TANC2: variants seen among roughly 807,000 people sequenced by gnomAD.
TANC2 encodes protein TANC2.
A neutral mutation model predicts 210.5 loss-of-function variants in TANC2; 26 were observed. The observed-to-expected ratio is 0.12, with a 90% CI of 0.09 to 0.17. The LOEUF (loss-of-function observed/expected upper bound fraction) is 0.17, where lower values mean the gene tolerates loss of function less well. TANC2 is among the 10% of genes least tolerant of loss of function. The pLI is 1.00. For synonymous variants in TANC2, 931 were observed against 967.1 expected (o/e 0.96, Z 0.69); for missense variants, 2,129 against 2,608.9 (o/e 0.82, Z 4.01).
At chr17:63,114,877 A>G (rs9902861) in intron 4 of TANC2, among the ~76,000 whole-genome samples, 5,799 of 152,224 alleles carry the variant, frequency 0.038, 386 homozygotes, top group African/African-American at 0.13. Context: ...GTTAAATCCA[A>G]TTTTTCAAGC....
intron 2 of TANC2, among the ~76,000 whole-genome samples, chr17:63,033,467 G>T (rs2034853868): frequency 6.6e-6 from 1 of 152,052 alleles, no homozygotes; most frequent in South Asian, 2.1e-4. Flanking sequence ...TCTATTACTG[G>T]GTGACTGAGA....
chr17:63,350,701 C>CT (rs2046575660), intron 12 of TANC2, among the ~76,000 whole-genome samples: 1 of 152,126 alleles, frequency 6.6e-6, no homozygotes, highest in African/African-American at 2.4e-5. Flanking sequence ...TGGTTCAACT[C>CT]TGTCTAATGC....
chr17:63,129,551 C>G (rs1426227652), intron 4 of TANC2, among the ~76,000 whole-genome samples: 1 of 152,096 alleles, frequency 6.6e-6, no homozygotes, highest in Non-Finnish European at 1.5e-5. Flanking sequence ...AACCCCATCT[C>G]TACTAAAAAT....
intron 2 of TANC2, among the ~76,000 whole-genome samples, chr17:63,026,326 A>G (rs1267622517): frequency 6.6e-6 from 1 of 152,174 alleles, no homozygotes; most frequent in Non-Finnish European, 1.5e-5. Context: ...GCACATAGCA[A>G]GTACTTAGTA....
In TANC2 at chr17:63,193,936, A is replaced by G. The variant is rs2041262030; in HGVS notation, c.434-55A>G. On this transcript the variant is annotated intron_variant, in intron 5 of 27. Coordinates refer to ENST00000689528, the Ensembl canonical transcript of TANC2. ...AAAGTGAATGTACAAATAGTTGCAG[A>G]ACTAGACCATTTTATTTTGAAAGAT... 15 of 1,544,706 alleles carry G rather than the reference A, an allele frequency of 9.7e-6. No homozygotes were observed. The South Asian group carries it at 1.9e-4, about 19-fold the overall frequency.
chr17:63,024,767 G>A (rs902504596), intron 2 of TANC2, among the ~76,000 whole-genome samples: 3 of 152,198 alleles, frequency 2.0e-5, no homozygotes, highest in Non-Finnish European at 2.9e-5. Context: ...TATTGCCCAA[G>A]ATTATACAGC....
At chr17:63,179,475 T>C (rs1320214736) in intron 5 of TANC2, among the ~76,000 whole-genome samples, 2 of 152,208 alleles carry the variant, frequency 1.3e-5, no homozygotes, top group Non-Finnish European at 2.9e-5. Flanking sequence ...TTAATACATA[T>C]AGTGCATTTA....
intron 4 of TANC2, among the ~76,000 whole-genome samples, chr17:63,120,110 A>G (rs921724192): frequency 6.6e-6 from 1 of 151,594 alleles, no homozygotes. Context: ...TGAGGTTAGT[A>G]TTTTTATTAG....
At chr17:63,027,840 A>G (rs765199880) in intron 2 of TANC2, among the ~76,000 whole-genome samples, 11 of 152,108 alleles carry the variant, frequency 7.2e-5, no homozygotes, top group Non-Finnish European at 1.5e-4. Flanking sequence ...TCTTTCTTAC[A>G]TATTTTATTC....
At chr17:63,401,159 A>G (rs1445714853) in intron 19 of TANC2, among the ~76,000 whole-genome samples, 1 of 152,170 alleles carries the variant, frequency 6.6e-6, no homozygotes, top group African/African-American at 2.4e-5. Context: ...ATAATGACCT[A>G]TTGAATTATG....
At chr17:63,178,006 G>A (rs2040648740) in intron 5 of TANC2, among the ~76,000 whole-genome samples, 1 of 152,054 alleles carries the variant, frequency 6.6e-6, no homozygotes. Context: ...TATGCTCAAG[G>A]GCACTAATAA....
intron 3 of TANC2, among the ~76,000 whole-genome samples, chr17:63,082,468 A>G (rs954902513): frequency 6.6e-6 from 1 of 152,338 alleles, no homozygotes; most frequent in East Asian, 1.9e-4. Context: ...GCAGAATAAG[A>G]CAAACCTGAA....
At chr17:62,990,138 A>G (rs759837909) in intron 1 of TANC2, among the ~76,000 whole-genome samples, 3 of 152,172 alleles carry the variant, frequency 2.0e-5, no homozygotes, top group African/African-American at 2.4e-5. Flanking sequence ...TGGTTGAGCA[A>G]CTTAGCGATG....
chr17:63,133,042 C>G (rs144536834), intron 4 of TANC2, among the ~76,000 whole-genome samples: 127 of 152,284 alleles, frequency 8.3e-4, no homozygotes, highest in African/African-American at 2.9e-3. Context: ...GGCGCAATCT[C>G]GGCTCACTGC....
At chr17:63,267,536 G>A (rs2043566177) in intron 8 of TANC2, among the ~76,000 whole-genome samples, 1 of 152,144 alleles carries the variant, frequency 6.6e-6, no homozygotes, top group African/African-American at 2.4e-5. Flanking sequence ...CTGTCTTAAA[G>A]TAGCAAGTGA....
chr17:63,030,610 C>T (rs1482302247), intron 2 of TANC2, among the ~76,000 whole-genome samples: 1 of 151,046 alleles, frequency 6.6e-6, no homozygotes, highest in Non-Finnish European at 1.5e-5. Context: ...ATTCACCTCA[C>T]ATCCAGTTGG....
intron 14 of TANC2, among the ~76,000 whole-genome samples, chr17:63,375,273 A>G (rs760999503): frequency 2.6e-5 from 4 of 152,220 alleles, no homozygotes; most frequent in Non-Finnish European, 5.9e-5. Context: ...GAAATGAACT[A>G]TAGTTGCCAC....
chr17:63,003,451 G>T (rs576402852), intron 1 of TANC2, among the ~76,000 whole-genome samples: 1 of 152,260 alleles, frequency 6.6e-6, no homozygotes, highest in East Asian at 1.9e-4. Context: ...GATAACCAGG[G>T]TGGCTGCTAA....
intron 7 of TANC2, among the ~76,000 whole-genome samples, chr17:63,222,658 C>T (rs997138683): frequency 6.6e-6 from 1 of 151,956 alleles, no homozygotes; most frequent in African/African-American, 2.4e-5. Flanking sequence ...GTCAAAACTG[C>T]ATTTTTTTAC....
Sources: gnomAD v4.1 joint callset for allele counts (sites outside exome capture counted in the v4.1 genomes callset) on GRCh38, gnomAD v4.1.1 for gene constraint, MANE v1.5 for transcripts, NCBI Gene and HGNC (gene_info 2026-07-23, HGNC 2026-07-21) for gene names.